The following TMC2 variants were observed in gnomAD, a reference collection of about 807,000 sequenced individuals.
The protein encoded by TMC2 is transmembrane channel-like protein 2.
In TMC2, 102 loss-of-function variants were observed where a neutral mutation model predicts 105.9. The ratio of observed to expected loss-of-function variants is 0.96; its 90% confidence interval spans 0.82 to 1.14. The LOEUF is 1.14. TMC2 is among the 50% of genes most tolerant of loss of function. The pLI, the probability that TMC2 is intolerant of heterozygous loss-of-function variation, is 0.00. For synonymous variants in TMC2, 402 were observed against 422.8 expected, an observed-to-expected ratio of 0.95 and a Z score of 0.60; for missense variants, 1,093 against 1,134.3, an observed-to-expected ratio of 0.96 and a Z score of 0.52.
chr20:2,565,113 C>G (rs530951934), intron 4 of TMC2, among the ~76,000 whole-genome samples: 1 of 152,336 alleles, frequency 6.6e-6, no homozygotes, highest in Admixed American at 6.5e-5. Flanking sequence ...ACTGTCCACT[C>G]TCTTGACTGG....
intron 2 of TMC2, among the ~76,000 whole-genome samples, chr20:2,553,853 AGTT>A (rs1399155069): frequency 9.2e-5 from 14 of 152,092 alleles, no homozygotes; most frequent in Admixed American, 9.2e-4. Flanking sequence ...ATCAGCATCA[AGTT>A]GTCTGCAATA....
chr20:2,553,052 C>T (rs1282780710), intron 2 of TMC2, among the ~76,000 whole-genome samples: 2 of 152,062 alleles, frequency 1.3e-5, no homozygotes, highest in African/African-American at 2.4e-5. Context: ...TGAACAAAGA[C>T]AGTTTTATTT....
chr20:2,593,556 T>G (rs896135608), intron 8 of TMC2, among the ~76,000 whole-genome samples: 2 of 152,234 alleles, frequency 1.3e-5, no homozygotes, highest in African/African-American at 4.8e-5. Flanking sequence ...CGTGTGTAAG[T>G]GTGAAACAGT....
chr20:2,624,241 A>C, intron 16 of TMC2, 30 bp from the exon 17 acceptor site: 1 of 1,608,028 alleles, frequency 6.2e-7, no homozygotes, highest in East Asian at 2.2e-5. Flanking sequence ...ACATGGCAGC[A>C]TGTTATATTG....
chr20:2,639,214 T>C (rs868779829), intron 19 of TMC2, among the ~76,000 whole-genome samples: 8 of 152,132 alleles, frequency 5.3e-5, no homozygotes, highest in African/African-American at 2.4e-5. Context: ...TATTTGTAAA[T>C]TGAGTGTAAC....
intron 17 of TMC2, among the ~76,000 whole-genome samples, chr20:2,629,858 T>C (rs1600141145): frequency 1.3e-5 from 2 of 152,376 alleles, no homozygotes; most frequent in East Asian, 1.9e-4. Flanking sequence ...TAAAGTTTTA[T>C]TGGAACATAT....
intron 4 of TMC2, among the ~76,000 whole-genome samples, chr20:2,568,930 C>T (rs1201683796): frequency 6.6e-6 from 1 of 152,160 alleles, no homozygotes; most frequent in Non-Finnish European, 1.5e-5. Context: ...CACACTTGTA[C>T]CTTGGAGGCA....
chr20:2,563,195 G>C (rs940126529), intron 4 of TMC2, among the ~76,000 whole-genome samples: 4 of 152,096 alleles, frequency 2.6e-5, no homozygotes, highest in Non-Finnish European at 5.9e-5. Flanking sequence ...ACAGCAATTT[G>C]GCAGCCATGT....
chr20:2,607,402 T>A (rs2086401895), intron 11 of TMC2, among the ~76,000 whole-genome samples: 1 of 152,224 alleles, frequency 6.6e-6, no homozygotes, highest in Admixed American at 6.5e-5. Context: ...TCCTTCATGT[T>A]GTGCCCTGTC....
At chr20:2,543,788 G>A (rs1264668551) in intron 2 of TMC2, among the ~76,000 whole-genome samples, 4 of 152,092 alleles carry the variant, frequency 2.6e-5, no homozygotes, top group African/African-American at 9.7e-5. Flanking sequence ...AAAGCCATCA[G>A]TATGTCAATC....
At chr20:2,590,064 A>G (rs2086258673) in intron 7 of TMC2, among the ~76,000 whole-genome samples, 1 of 152,226 alleles carries the variant, frequency 6.6e-6, no homozygotes, top group Non-Finnish European at 1.5e-5. Flanking sequence ...ATACAATGCA[A>G]TATTACGTAA....
intron 4 of TMC2, among the ~76,000 whole-genome samples, chr20:2,570,312 C>CAATGTACA (rs1386941603): frequency 1.3e-5 from 2 of 151,980 alleles, no homozygotes; most frequent in African/African-American, 4.8e-5. Context: ...GATACAAAAT[C>CAATGTACA]AATGTACAAA....
At chr20:2,544,005 G>A (rs976572499) in intron 2 of TMC2, among the ~76,000 whole-genome samples, 1 of 150,666 alleles carries the variant, frequency 6.6e-6, no homozygotes, top group African/African-American at 2.4e-5. Context: ...GGGTTCAAGC[G>A]ATTCTCATGC....
chr20:2,636,459 TAC>T (rs3051763), intron 18 of TMC2, among the ~76,000 whole-genome samples: 25,479 of 143,320 alleles, frequency 0.18, 2,254 homozygotes, highest in African/African-American at 0.23. Context: ...GACTGCTGTC[TAC>T]ACACACACAC....
At chr20:2,600,188 A>G (rs2086340416) in intron 10 of TMC2, among the ~76,000 whole-genome samples, 1 of 152,202 alleles carries the variant, frequency 6.6e-6, no homozygotes, top group Non-Finnish European at 1.5e-5. Flanking sequence ...GAGAAGTAAA[A>G]TGACTTCTTT....
In TMC2 at chr20:2,616,074, C is replaced by A; in HGVS notation, c.1873-63C>A. ...CCAGTTGGTTGGTAGTAGGGTTTGG[C>A]TGAATTCACCAAACGTGCTTTTTTT... On this transcript the variant is annotated intron_variant, in intron 14 of 19. Transcript: ENST00000358864. The surrounding 1 kb of genome is among the most constrained non-coding windows in gnomAD (Gnocchi z 4.8). The A allele has an allele frequency of 7.1e-7, 1 of 1,418,042 alleles. No homozygotes were observed. Among genetic ancestry groups the A allele is most frequent in the Non-Finnish European group, 9.9e-7 (1 of 1,014,632 alleles). The allele number at this position is 1,418,042 out of a possible 1,614,324, so 87.8% of individuals were successfully genotyped here.
At chr20:2,545,896 G>A (rs2085923013) in intron 2 of TMC2, among the ~76,000 whole-genome samples, 1 of 118,522 alleles carries the variant, frequency 8.4e-6, no homozygotes, top group Non-Finnish European at 1.7e-5. Context: ...AGAAATGAAA[G>A]AAAGAAAGAA....
intron 19 of TMC2, among the ~76,000 whole-genome samples, chr20:2,638,453 T>C (rs2086665375): frequency 6.6e-6 from 1 of 152,224 alleles, no homozygotes; most frequent in Non-Finnish European, 1.5e-5. Context: ...TACTATACTA[T>C]ACTTTTTACT....
rs781001721 is a variant in TMC2 at position 2,617,274 on chromosome 20, A to G, written c.2143A>G (p.Met715Val). 4 of 1,613,888 alleles carry G rather than the reference A, an allele frequency of 2.5e-6. No individual in the cohort carries two copies. Among genetic ancestry groups the G allele is most frequent in the Admixed American group, 1.7e-5 (1 of 59,976 alleles). ...CCTCCTGCCGGTGGCCTACACCATC[A>G]TGTCCCTCCCACCCTCCTTTGACTG... is the stretch of plus-strand genomic sequence containing the variant. ...LSLLPVAYTI[M>V]SLPPSFDCGP... The change falls in exon 16 of 20, where the codon ATG becomes GTG. Residue 715 changes from methionine to valine, a missense_variant. Coordinates refer to ENST00000358864, the MANE Select transcript of TMC2 (RefSeq NM_080751.3).
Sources: gnomAD v4.1 joint callset for allele counts (sites outside exome capture counted in the v4.1 genomes callset) on GRCh38, gnomAD v4.1.1 for gene constraint, Gnocchi (gnomAD v3.1) non-coding constraint, MANE v1.5 for transcripts, NCBI Gene and HGNC (gene_info 2026-07-23, HGNC 2026-07-21) for gene names.